ZP3: variants seen among roughly 807,000 people sequenced by gnomAD.
The protein encoded by ZP3 is zona pellucida sperm-binding protein 3.
Under a neutral mutation model 35.6 loss-of-function variants are expected in ZP3, and 21 were observed. That is an observed-to-expected ratio of 0.59 (90% CI 0.42 to 0.85). ZP3 has a LOEUF of 0.85. ZP3 is among the 40% of genes least tolerant of loss of function. The pLI is 0.00. For synonymous variants in ZP3, 207 were observed against 214.5 expected (o/e 0.96, Z 0.31); for missense variants, 437 against 536.5 (o/e 0.81, Z 1.83).
chr7:76,437,111 T>C (rs1290103258), intron 5 of ZP3, among the ~76,000 whole-genome samples: 4 of 151,560 alleles, frequency 2.6e-5, no homozygotes, highest in Non-Finnish European at 5.9e-5. Flanking sequence ...AGTTCAGGTG[T>C]TTAAGGCTGC....
chr7:76,427,148 G>A (rs1805689854), intron 1 of ZP3, among the ~76,000 whole-genome samples: 1 of 152,112 alleles, frequency 6.6e-6, no homozygotes, highest in African/African-American at 2.4e-5. Context: ...AAGGATCTCA[G>A]GTGACTCCAA....
chr7:76,422,786 T>C (rs1805535535), upstream of ZP3, among the ~76,000 whole-genome samples: 1 of 150,560 alleles, frequency 6.6e-6, no homozygotes, highest in Admixed American at 6.7e-5. Context: ...TCACTTGAGG[T>C]CCAGAGTTCG....
intron 5 of ZP3, among the ~76,000 whole-genome samples, chr7:76,437,661 A>ATT (rs3972771): frequency 0.12 from 15,378 of 129,492 alleles, 91 homozygotes; most frequent in Middle Eastern, 0.14. Context: ...TAATTTCTGT[A>ATT]TTTTTTTTTT....
intron 1 of ZP3, among the ~76,000 whole-genome samples, chr7:76,402,914 G>A (rs1183587277): frequency 1.3e-5 from 2 of 152,190 alleles, no homozygotes; most frequent in African/African-American, 2.4e-5. Context: ...TGATCCATCC[G>A]CCTCAGCCTC....
intron 2 of ZP3, among the ~76,000 whole-genome samples, chr7:76,431,772 G>A (rs1359216798): frequency 1.3e-5 from 2 of 151,934 alleles, no homozygotes; most frequent in African/African-American, 4.8e-5. Flanking sequence ...AGTGGCGGGT[G>A]CCTGTAGTCC....
At chr7:76,430,747 C>G (rs900239261) in intron 2 of ZP3, among the ~76,000 whole-genome samples, 2 of 152,096 alleles carry the variant, frequency 1.3e-5, no homozygotes, top group East Asian at 3.9e-4. Flanking sequence ...AAAGAAAATG[C>G]TAGTGTGAAG....
chr7:76,401,947 T>C lies in ZP3; in HGVS notation c.-67+4150T>C, dbSNP rs77997290. 1.9e-3 allele frequency among the ~76,000 whole-genome samples: 287 copies of C among 152,330 alleles called. 3 individuals carry two copies. The highest frequency in any genetic ancestry group is 6.8e-3 in the African/African-American group (281 of 41,584). ...GTTCAGTAGCTCCACCTTAAATGTG[T>C]AAATTGGCTTTGGGATTCATCATAT... On this transcript the variant is annotated intron_variant, in intron 1 of 8. Transcript: ENST00000336517.
chr7:76,436,029 C>CGTTTTT (rs1563703130), intron 5 of ZP3, among the ~76,000 whole-genome samples: 1 of 128,098 alleles, frequency 7.8e-6, no homozygotes, highest in Non-Finnish European at 1.7e-5. Context: ...CCCCCCGCCC[C>CGTTTTT]CTTTTTTTTT....
intron 1 of ZP3, among the ~76,000 whole-genome samples, chr7:76,408,424 T>TG (rs974713904): frequency 1.3e-5 from 2 of 151,998 alleles, no homozygotes; most frequent in African/African-American, 4.8e-5. Flanking sequence ...TTGCTTGTTG[T>TG]GGGGGGGCAC....
chr7:76,398,716 G>C, intron 1 of ZP3: 1 of 1,612,686 alleles, frequency 6.2e-7, no homozygotes, highest in Non-Finnish European at 8.5e-7. Flanking sequence ...TTATGCTTAC[G>C]TACTTTTTCC....
rs1365265356 is a variant in ZP3 at position 76,425,090 on chromosome 7, A to G, written c.126A>G (p.Val42=). 1.9e-6 allele frequency: 3 copies of G among 1,613,656 alleles called. No individual in the cohort carries two copies. The highest frequency in any genetic ancestry group is 2.5e-6 in the Non-Finnish European group (3 of 1,180,006). Residue 42 remains valine (V), a synonymous_variant, in exon 1 of 8, where the codon GTA becomes GTG. Transcript: ENST00000394857. The part of the protein sequence containing the change: ...ASHPETSVQP[V]LVECQEATLM... ...ATCCTGAGACGTCCGTACAGCCCGT[A>G]CTGGTGGAGTGTCAGGAGGCCACTC... is the stretch of plus-strand genomic sequence containing the variant.
At chr7:76,436,455 G>C (rs1461209614) in intron 5 of ZP3, among the ~76,000 whole-genome samples, 1 of 152,232 alleles carries the variant, frequency 6.6e-6, no homozygotes, top group Non-Finnish European at 1.5e-5. Flanking sequence ...AGCCAGGCTT[G>C]CAAACCTCTG....
At chr7:76,420,324 G>T (rs1204883805), upstream of ZP3, among the ~76,000 whole-genome samples, 2 of 152,090 alleles carry the variant, frequency 1.3e-5, no homozygotes. Context: ...ACTCACACCA[G>T]ATGTTCTTTT....
chr7:76,400,939 G>A (rs1804804045), intron 1 of ZP3: 3 of 1,544,322 alleles, frequency 1.9e-6, no homozygotes, highest in Non-Finnish European at 2.6e-6. Flanking sequence ...ACTTCCTGTG[G>A]TTCCCTGTCT....
chr7:76,410,615 A>G (rs1292114018), intron 1 of ZP3, among the ~76,000 whole-genome samples: 1 of 151,984 alleles, frequency 6.6e-6, no homozygotes, highest in Non-Finnish European at 1.5e-5. Context: ...CCAAGGGAGG[A>G]AAACAGGTGG....
chr7:76,420,666 G>A (rs890894631), upstream of ZP3, among the ~76,000 whole-genome samples: 4 of 151,986 alleles, frequency 2.6e-5, no homozygotes, highest in Non-Finnish European at 2.9e-5. Context: ...TAACAGCATC[G>A]TCTTCTGTCT....
rs1289837164 is a variant in ZP3 at position 76,416,814 on chromosome 7, CTCTA to C, written c.-66-8236_-66-8233del. Among the ~76,000 whole-genome samples, 13 of 131,784 alleles carry C rather than the reference CTCTA, an allele frequency of 9.9e-5. No individual in the cohort carries two copies. In the South Asian group the frequency reaches 1.2e-3, roughly 12 times the overall value. 86.5% of individuals were successfully genotyped at this position (131,784 alleles called of 152,430 possible). ...ATGCTGTCTCTCTCTCTCTCTCTCT[CTCTA>C]TATATATATACATATACATACATAT... On this transcript the variant is annotated intron_variant, in intron 1 of 8. Transcript: ENST00000336517.
At chr7:76,434,954 A>G (rs201740351) in intron 5 of ZP3, among the ~76,000 whole-genome samples, 17,406 of 122,966 alleles carry the variant, frequency 0.14, 2 homozygotes, top group Middle Eastern at 0.2. Context: ...GAAGGAAGGA[A>G]TGAAGATGGG....
chr7:76,407,048 C>T (rs1805058034), intron 1 of ZP3, among the ~76,000 whole-genome samples: 2 of 152,140 alleles, frequency 1.3e-5, no homozygotes, highest in South Asian at 4.1e-4. Context: ...GCAACCTCCA[C>T]CTCCTGGGTT....
Sources: allele counts gnomAD v4.1 joint callset (sites outside exome capture counted in the v4.1 genomes callset), GRCh38; gene constraint gnomAD v4.1.1; transcripts MANE v1.5; gene names NCBI Gene and HGNC (gene_info 2026-07-23, HGNC 2026-07-21).